The following MTREX variants were observed in gnomAD, a reference collection of about 807,000 sequenced individuals.
The protein encoded by MTREX is Mtr4 exosome RNA helicase.
MTREX carries 76 observed loss-of-function variants against 135.4 expected under a neutral mutation model. That is an observed-to-expected ratio of 0.56 (90% CI 0.47 to 0.68). The LOEUF (loss-of-function observed/expected upper bound fraction) is 0.68, where lower values mean the gene tolerates loss of function less well. MTREX is among the 30% of genes least tolerant of loss of function. The probability of loss-of-function intolerance (pLI) is 0.00; values close to 1 mark genes in which losing one functional copy is unlikely to be tolerated. For missense variants in MTREX, 920 were observed against 1,262.1 expected (o/e 0.73, Z 4.11); for synonymous variants, 404 against 401.6 (o/e 1.01, Z -0.07).
At chr5:55,320,429 G>T (rs1749270041) in intron 1 of MTREX, among the ~76,000 whole-genome samples, 1 of 152,056 alleles carries the variant, frequency 6.6e-6, no homozygotes, top group Admixed American at 6.5e-5. Context: ...GTGTTAGCCA[G>T]GATGGTCTCA....
chr5:55,372,265 T>G (rs1579876495), intron 16 of MTREX, among the ~76,000 whole-genome samples: 1 of 152,256 alleles, frequency 6.6e-6, no homozygotes, highest in South Asian at 2.1e-4. Context: ...TATTCTAGTC[T>G]TTAATGACTG....
At chr5:55,370,864 A>G (rs983876955) in intron 16 of MTREX, among the ~76,000 whole-genome samples, 3 of 152,206 alleles carry the variant, frequency 2.0e-5, no homozygotes, top group East Asian at 1.9e-4. Flanking sequence ...CACCTTAAAT[A>G]TAACAAAATT....
At chr5:55,398,979 A>C (rs1343163809) in intron 20 of MTREX, among the ~76,000 whole-genome samples, 1 of 152,216 alleles carries the variant, frequency 6.6e-6, no homozygotes, top group Non-Finnish European at 1.5e-5. Context: ...CCTTCACATA[A>C]TAAATAAAGA....
At chr5:55,316,985 G>A (rs1749208949) in intron 1 of MTREX, among the ~76,000 whole-genome samples, 1 of 152,046 alleles carries the variant, frequency 6.6e-6, no homozygotes, top group South Asian at 2.1e-4. Flanking sequence ...ACCAACAGTA[G>A]CCAGACTGAG....
chr5:55,419,201 G>C (rs941430418), intron 25 of MTREX, among the ~76,000 whole-genome samples: 2 of 152,176 alleles, frequency 1.3e-5, no homozygotes, highest in Non-Finnish European at 2.9e-5. Flanking sequence ...ACACAGTACA[G>C]TGTGTCTGTT....
At chr5:55,321,303 G>A (rs1044052284) in intron 1 of MTREX, among the ~76,000 whole-genome samples, 8 of 152,102 alleles carry the variant, frequency 5.3e-5, no homozygotes, top group African/African-American at 1.4e-4. Flanking sequence ...AAGTAATGGT[G>A]TTGAGCTCCT....
Position 55,366,797 on chromosome 5 carries a change from G to GA in MTREX, c.1735dup (p.Ile579AsnfsTer2). 3.1e-6 allele frequency: 5 copies of GA among 1,611,242 alleles called. No homozygotes were observed. Among genetic ancestry groups the GA allele is most frequent in the Non-Finnish European group, 4.2e-6 (5 of 1,178,536 alleles). Reference sequence around the variant, plus strand: ...GGTTTTGAACTTACTACGTGTAGAAGAAATTAATCCTGAGTACATGTTGGA... The same window carrying GA: ...GGTTTTGAACTTACTACGTGTAGAAGAAAATTAATCCTGAGTACATGTTGGA... On this transcript the variant is annotated frameshift_variant, in exon 16 of 27. Coordinates refer to ENST00000230640, the MANE Select transcript of MTREX (RefSeq NM_015360.5). LOFTEE classifies it high-confidence loss of function.
Position 55,400,238 on chromosome 5 carries a change from T to G in MTREX, c.2298T>G (p.Val766=). The change falls in exon 21 of 27, where the codon GTT becomes GTG. Residue 766 remains valine, a synonymous_variant. Transcript: ENST00000230640. Reference sequence around the variant, plus strand: ...ATTTTACATATTTTTTTCAGGAAGTTCAGAAACGTTTTCCTGACGGCATCC... The same window carrying G: ...ATTTTACATATTTTTTTCAGGAAGTGCAGAAACGTTTTCCTGACGGCATCC... ...RQSVLKSIQE[V]QKRFPDGIPL... 15 of 1,556,076 alleles carry G rather than the reference T, an allele frequency of 9.6e-6. No homozygotes were observed. Among genetic ancestry groups the G allele is most frequent in the Non-Finnish European group, 1.3e-5 (15 of 1,149,508 alleles).
At chr5:55,413,628 T>G (rs1750920000) in intron 23 of MTREX, among the ~76,000 whole-genome samples, 1 of 152,202 alleles carries the variant, frequency 6.6e-6, no homozygotes. Flanking sequence ...GACAGAATTT[T>G]CAGCTGTGGG....
chr5:55,344,597 C>T lies in MTREX; in HGVS notation c.982C>T (p.Leu328=), dbSNP rs368490385. ...HYIFPAGGDG[L]HLVVDENGDF... is the part of the protein sequence containing the mutation. ...CATTTTTCCAGCAGGGGGAGATGGCCTGCATCTTGTGGTTGATGAAAATGT... is the reference window on the plus strand; with the variant it reads ...CATTTTTCCAGCAGGGGGAGATGGCTTGCATCTTGTGGTTGATGAAAATGT... The change falls in exon 9 of 27, where the codon CTG becomes TTG. Residue 328 remains leucine, a synonymous_variant. Transcript: ENST00000230640. 17 of 1,606,800 alleles carry T rather than the reference C, an allele frequency of 1.1e-5. No individual in the cohort carries two copies. In the African/African-American group the frequency reaches 1.5e-4, roughly 14 times the overall value.
In MTREX at chr5:55,379,573, GACAC is replaced by G. The variant is rs60169736; in HGVS notation, c.2052+413_2052+416del. Among the ~76,000 whole-genome samples, 765 of 143,876 alleles carry G rather than the reference GACAC, an allele frequency of 5.3e-3. 3 individuals are homozygous for G. The highest frequency in any genetic ancestry group is 0.024 in the East Asian group (119 of 4,992). The allele number at this position is 143,876 out of a possible 152,430, so 94.4% of individuals were successfully genotyped here. ...TTCCTTCCACTCCCCAAATCTCCCT[GACAC>G]ACACACACACACACACACACACACA... On this transcript the variant is annotated intron_variant, in intron 18 of 26. Coordinates refer to ENST00000230640, the MANE Select transcript of MTREX (RefSeq NM_015360.5).
Position 55,424,727 on chromosome 5 carries a change from C to A in MTREX, c.3084C>A (p.Thr1028=). The A allele has an allele frequency of 1.2e-6, 2 of 1,610,812 alleles. No homozygotes were observed. Among genetic ancestry groups the A allele is most frequent in the Non-Finnish European group, 1.7e-6 (2 of 1,177,276 alleles). Residue 1028 remains threonine, a synonymous_variant, in exon 27 of 27, where the codon ACC becomes ACA. Transcript: ENST00000230640. The stretch of plus-strand genomic sequence containing the variant: ...TACTTTCTTTTCTCTTAGGAATCAC[C>A]AAAATCAAGAGAGATATTGTGTTTG... ...ELENKFAEGI[T]KIKRDIVFAA...
At chr5:55,314,021 T>G (rs1579843028) in intron 1 of MTREX, among the ~76,000 whole-genome samples, 1 of 152,192 alleles carries the variant, frequency 6.6e-6, no homozygotes, top group East Asian at 1.9e-4. Context: ...GTTGCAGTCC[T>G]TCAATCAATG....
chr5:55,345,339 T>C, intron 10 of MTREX, 143 bp downstream of exon 10: 1 of 640,324 alleles, frequency 1.6e-6, no homozygotes, highest in Non-Finnish European at 2.8e-6. Flanking sequence ...ATATTTATCT[T>C]TTTTGTATGA....
intron 1 of MTREX, among the ~76,000 whole-genome samples, chr5:55,320,426 C>A (rs565275937): frequency 4.6e-4 from 70 of 152,170 alleles, no homozygotes; most frequent in African/African-American, 1.5e-3. Context: ...ACCGTGTTAG[C>A]CAGGATGGTC....
At chr5:55,343,498 T>G (rs770925800) in intron 8 of MTREX, 43 bp downstream of exon 8, 1 of 1,553,510 alleles carries the variant, frequency 6.4e-7, no homozygotes, top group Non-Finnish European at 8.8e-7. Flanking sequence ...ATTCAAAATG[T>G]TACAGATTAG....
At chr5:55,410,167 C>T (rs1207725965) in intron 22 of MTREX, among the ~76,000 whole-genome samples, 2 of 152,124 alleles carry the variant, frequency 1.3e-5, no homozygotes, top group East Asian at 3.8e-4. Flanking sequence ...CTTTATTCTA[C>T]AGATTATTTG....
Position 55,424,827 on chromosome 5 carries a change from T to G in MTREX, c.*55T>G. The G allele has an allele frequency of 7.8e-7, 1 of 1,289,276 alleles. No homozygotes were observed. Among genetic ancestry groups the G allele is most frequent in the South Asian group, 1.2e-5 (1 of 83,712 alleles). 79.9% of individuals were successfully genotyped at this position (1,289,276 alleles called of 1,614,324 possible). A position where few individuals can be genotyped will look rare whatever the true frequency, so the allele number is the denominator to read the frequency against. On this transcript the variant is annotated 3_prime_UTR_variant, in exon 27 of 27. Transcript: ENST00000230640. Reference sequence around the variant, plus strand: ...TTATTGACCACCTGTTTGATTACAGTTGACTACAAATGCCTGCAAGTGTGG... The same window carrying G: ...TTATTGACCACCTGTTTGATTACAGGTGACTACAAATGCCTGCAAGTGTGG...
intron 1 of MTREX, 100 bp from the exon 2 acceptor site, chr5:55,322,227 A>C: frequency 4.1e-6 from 4 of 979,922 alleles, no homozygotes; most frequent in Non-Finnish European, 5.7e-6. Context: ...TCTATTTAAA[A>C]CATGACTTTC....
Sources: allele counts gnomAD v4.1 joint callset (sites outside exome capture counted in the v4.1 genomes callset), GRCh38; gene constraint gnomAD v4.1.1; transcripts MANE v1.5; gene names NCBI Gene and HGNC (gene_info 2026-07-23, HGNC 2026-07-21).